Variants in RNF157 observed in about 807,000 individuals in gnomAD.
RNF157 encodes ring finger protein 157.
In RNF157, 55 loss-of-function variants were observed where a neutral mutation model predicts 88.3. The ratio of observed to expected loss-of-function variants is 0.62; its 90% CI spans 0.50 to 0.78. The LOEUF (loss-of-function observed/expected upper bound fraction) is 0.78. Ranked by LOEUF, RNF157 falls within the 30% of genes least tolerant of loss-of-function variation. The pLI, the probability that RNF157 is intolerant of heterozygous loss-of-function variation, is 0.00. For synonymous variants in RNF157, 334 were observed against 341.2 expected (o/e 0.98, Z 0.23); for missense variants, 788 against 860.8 (o/e 0.92, Z 1.06).
chr17:76,222,323 G>A (rs192810273), intron 1 of RNF157, among the ~76,000 whole-genome samples: 1 of 151,382 alleles, frequency 6.6e-6, no homozygotes, highest in Admixed American at 6.6e-5. Flanking sequence ...CTCCAGCCTG[G>A]GTGACAGAGC....
intron 8 of RNF157, chr17:76,163,471 A>T (rs1225993618): frequency 6.6e-6 from 1 of 152,298 alleles, no homozygotes; most frequent in Non-Finnish European, 1.5e-5. Context: ...CTAGGATAAC[A>T]GAGATGAGCC....
At chr17:76,150,772 C>T (rs2068661973) in intron 18 of RNF157, among the ~76,000 whole-genome samples, 1 of 152,200 alleles carries the variant, frequency 6.6e-6, no homozygotes, top group Admixed American at 6.5e-5. Context: ...TCTTAGTACC[C>T]TGGATACAGG....
At chr17:76,191,491 T>G (rs1295395712) in intron 2 of RNF157, among the ~76,000 whole-genome samples, 1 of 150,904 alleles carries the variant, frequency 6.6e-6, no homozygotes, top group Non-Finnish European at 1.5e-5. Context: ...TAATCCCAGT[T>G]ACTCAGGAGG....
At chr17:76,231,409 G>T (rs1457454505) in intron 1 of RNF157, among the ~76,000 whole-genome samples, 1 of 152,064 alleles carries the variant, frequency 6.6e-6, no homozygotes, top group African/African-American at 2.4e-5. Flanking sequence ...TCAGAAAGTG[G>T]CTTGTCTTCT....
chr17:76,203,024 C>T (rs1250065977), intron 2 of RNF157, among the ~76,000 whole-genome samples: 1 of 152,084 alleles, frequency 6.6e-6, no homozygotes, highest in Non-Finnish European at 1.5e-5. Context: ...GAGAGGGTCT[C>T]GTCCAGCCCA....
chr17:76,157,887 CCA>C lies in RNF157; in HGVS notation c.1413+504_1413+505del, dbSNP rs1491210070. The stretch of plus-strand genomic sequence containing the variant: ...TTCCACATGGGCCTCCCGACACCCC[CCA>C]CTTACCCCCAGGACTTTCTCCTTGC... On this transcript the variant is annotated intron_variant, in intron 13 of 18. Coordinates refer to ENST00000269391, the MANE Select transcript of RNF157 (RefSeq NM_052916.3). The surrounding 1 kb of genome is among the most constrained non-coding windows in gnomAD (Gnocchi z 5.6). Among the ~76,000 whole-genome samples, 1 of 152,100 alleles carries C rather than the reference CCA, an allele frequency of 6.6e-6. No homozygotes were observed. Among genetic ancestry groups the C allele is most frequent in the Non-Finnish European group, 1.5e-5 (1 of 68,016 alleles).
intron 2 of RNF157, among the ~76,000 whole-genome samples, chr17:76,182,502 T>A (rs1204969786): frequency 6.9e-6 from 1 of 144,262 alleles, no homozygotes; most frequent in East Asian, 2.0e-4. Flanking sequence ...ATGTCCTAGA[T>A]TTTTTTTTTT....
intron 2 of RNF157, among the ~76,000 whole-genome samples, chr17:76,204,280 AG>A (rs988595107): frequency 6.6e-6 from 1 of 152,074 alleles, no homozygotes; most frequent in African/African-American, 2.4e-5. Context: ...TCCCCTACCT[AG>A]GAAATCCTAC....
chr17:76,181,046 A>C (rs932311811), intron 2 of RNF157, among the ~76,000 whole-genome samples: 2 of 152,188 alleles, frequency 1.3e-5, no homozygotes, highest in Admixed American at 6.5e-5. Flanking sequence ...CCGAGACTCA[A>C]AAGATTCACG....
intron 2 of RNF157, among the ~76,000 whole-genome samples, chr17:76,191,474 G>A (rs1394997767): frequency 6.6e-6 from 1 of 151,966 alleles, no homozygotes; most frequent in African/African-American, 2.4e-5. Context: ...GTGGTGGCAG[G>A]CACCTGTAAT....
Position 76,165,499 on chromosome 17 carries a change from C to G in RNF157, c.672+3G>C, listed in dbSNP as rs1568032574. 6.2e-7 allele frequency: 1 copy of G among 1,614,112 alleles called. No homozygotes were observed. The highest frequency in any genetic ancestry group is 2.2e-5 in the East Asian group (1 of 44,880). ...TAAAGCGAGGCCCTCTAAAGTCACT[C>G]ACCTTCTCAAAAGTACCCAGCAGTA... On this transcript the variant is annotated splice_donor_region_variant and intron_variant, in intron 7 of 18. Transcript: ENST00000269391.
At chr17:76,220,175 A>C (rs2069956545) in intron 1 of RNF157, among the ~76,000 whole-genome samples, 1 of 152,046 alleles carries the variant, frequency 6.6e-6, no homozygotes, top group Non-Finnish European at 1.5e-5. Context: ...GCCACATTCC[A>C]AGTCTGTGGC....
At chr17:76,192,823 G>A (rs1314872723) in intron 2 of RNF157, among the ~76,000 whole-genome samples, 2 of 150,444 alleles carry the variant, frequency 1.3e-5, no homozygotes, top group African/African-American at 2.5e-5. Flanking sequence ...TCTTGTTTCA[G>A]CTCTCCCACT....
rs544568097 is a variant in RNF157 at position 76,173,866 on chromosome 17, A to G, written c.208-76T>C. ...GCTGTCCCTCGCTTTACAGTTTGCC[A>G]AGAATAGCCCTAAGAGGTGAGGCAG... On this transcript the variant is annotated intron_variant, in intron 2 of 18. Transcript: ENST00000269391. The G allele has an allele frequency of 8.2e-4, 1,030 of 1,249,858 alleles. 3 individuals are homozygous for G. The highest frequency in any genetic ancestry group is 2.6e-3 in the Middle Eastern group (14 of 5,390). The allele number at this position is 1,249,858 out of a possible 1,614,324, so 77.4% of individuals were successfully genotyped here. A position where few individuals can be genotyped will look rare whatever the true frequency, so the allele number is the denominator to read the frequency against.
intron 2 of RNF157, among the ~76,000 whole-genome samples, chr17:76,192,388 T>C (rs1375112575): frequency 1.3e-5 from 2 of 152,236 alleles, no homozygotes; most frequent in African/African-American, 4.8e-5. Flanking sequence ...GCTATGTATG[T>C]CCAAGTCTGA....
chr17:76,232,856 A>G (rs1454347428), intron 1 of RNF157, among the ~76,000 whole-genome samples: 2 of 152,096 alleles, frequency 1.3e-5, no homozygotes, highest in Non-Finnish European at 2.9e-5. Context: ...GCTGATGTTG[A>G]GTATCTTTCC....
intron 18 of RNF157, among the ~76,000 whole-genome samples, chr17:76,151,979 C>G (rs72868709): frequency 6.6e-6 from 1 of 152,216 alleles, no homozygotes; most frequent in African/African-American, 2.4e-5. Flanking sequence ...CGCAGGCAAT[C>G]CTTCCAAGAC....
At chr17:76,194,491 G>A (rs139781259) in intron 2 of RNF157, among the ~76,000 whole-genome samples, 45 of 152,280 alleles carry the variant, frequency 3.0e-4, no homozygotes, top group African/African-American at 1.1e-3. Flanking sequence ...AAAGACCCCC[G>A]AAAGCAGGAC....
rs1322272875 is a variant in RNF157, at chr17:76,156,766, A to G, written c.1414-445T>C. Among the ~76,000 whole-genome samples the G allele has an allele frequency of 2.0e-5, 3 of 151,888 alleles. No individual in the cohort carries two copies. The East Asian group carries it at 5.8e-4, about 29-fold the overall frequency. ...CCTGCCCAGCTGCTTTCTGATACAA[A>G]CACCACCTTGCTCCCCAGCCTGCTG... On this transcript the variant is annotated intron_variant, in intron 13 of 18. Transcript: ENST00000269391.
Sources: allele counts gnomAD v4.1 joint callset (sites outside exome capture counted in the v4.1 genomes callset), GRCh38; gene constraint gnomAD v4.1.1; non-coding constraint Gnocchi (gnomAD v3.1); transcripts MANE v1.5; gene names NCBI Gene and HGNC (gene_info 2026-07-23, HGNC 2026-07-21).